Variants in MARCHF1 observed in about 807,000 individuals in gnomAD.
The protein encoded by MARCHF1 is membrane associated ring-CH-type finger 1, also known as E3 ubiquitin-protein ligase MARCHF1.
Under a neutral mutation model 54.2 loss-of-function variants are expected in MARCHF1, and 40 were observed. The observed-to-expected ratio is 0.74, with a 90% CI of 0.57 to 0.96. MARCHF1 has a LOEUF of 0.96. Among genes scored for constraint, MARCHF1 ranks in the 40% least tolerant of loss-of-function variants. The pLI, the probability that MARCHF1 is intolerant of heterozygous loss-of-function variation, is 0.00. For missense variants in MARCHF1, 586 were observed against 656.5 expected, an observed-to-expected ratio of 0.89 and a Z score of 1.17; for synonymous variants, 236 against 236.3, an observed-to-expected ratio of 1.00 and a Z score of 0.01.
chr4:163,633,366 T>A (rs1742181345), intron 5 of MARCHF1, among the ~76,000 whole-genome samples: 1 of 152,034 alleles, frequency 6.6e-6, no homozygotes, highest in Non-Finnish European at 1.5e-5. Flanking sequence ...TAGAAGAATG[T>A]ATAACTAGAA....
chr4:163,565,333 T>C (rs1364393076), intron 8 of MARCHF1, among the ~76,000 whole-genome samples: 2 of 152,160 alleles, frequency 1.3e-5, no homozygotes, highest in African/African-American at 4.8e-5. Flanking sequence ...AGGAGACATA[T>C]TTGACCTTGT....
intron 4 of MARCHF1, among the ~76,000 whole-genome samples, chr4:163,737,164 CTTTTTTT>C (rs71925488): frequency 6.9e-5 from 5 of 72,084 alleles, no homozygotes; most frequent in African/African-American, 2.2e-4. Flanking sequence ...TTTTTTCTTT[CTTTTTTT>C]TTTTTTTTTT....
At chr4:164,068,227 C>T (rs1012846647) in intron 2 of MARCHF1, among the ~76,000 whole-genome samples, 52 of 152,210 alleles carry the variant, frequency 3.4e-4, no homozygotes, top group African/African-American at 1.2e-3. Context: ...GAGGTGACAG[C>T]GTGCTGGCAG....
intron 3 of MARCHF1, among the ~76,000 whole-genome samples, chr4:163,898,309 T>C (rs1437139754): frequency 6.6e-6 from 1 of 151,890 alleles, no homozygotes; most frequent in African/African-American, 2.4e-5. Flanking sequence ...AGGACTAATA[T>C]CCAAAATCTG....
intron 1 of MARCHF1, among the ~76,000 whole-genome samples, chr4:164,220,667 C>CTATATATGCATATATGTAATATA: frequency 1.5e-5 from 2 of 134,322 alleles, no homozygotes; most frequent in South Asian, 2.3e-4. Context: ...AATATATATG[C>CTATATATGCATATATGTAATATA]TATATGTATA....
intron 2 of MARCHF1, among the ~76,000 whole-genome samples, chr4:164,106,721 C>T (rs1755710283): frequency 2.1e-5 from 3 of 142,680 alleles, no homozygotes; most frequent in African/African-American, 8.0e-5. Context: ...ACATATGTAA[C>T]TAACCTGCAC....
chr4:164,012,216 A>T (rs866781353), intron 2 of MARCHF1, among the ~76,000 whole-genome samples: 1 of 152,154 alleles, frequency 6.6e-6, no homozygotes, highest in Middle Eastern at 3.4e-3. Flanking sequence ...GGGGTGCAAC[A>T]CCAACTGTGG....
intron 4 of MARCHF1, among the ~76,000 whole-genome samples, chr4:163,743,846 C>T (rs549931865): frequency 2.6e-5 from 4 of 152,136 alleles, no homozygotes; most frequent in Non-Finnish European, 5.9e-5. Flanking sequence ...AATTAGTAAT[C>T]TTTCTTAGAT....
chr4:164,019,662 C>T (rs1753620368), intron 2 of MARCHF1, among the ~76,000 whole-genome samples: 1 of 152,158 alleles, frequency 6.6e-6, no homozygotes, highest in South Asian at 2.1e-4. Context: ...GCAAAGGTTA[C>T]AGAATGAGGC....
intron 2 of MARCHF1, among the ~76,000 whole-genome samples, chr4:164,039,765 A>G (rs187966748): frequency 3.1e-4 from 47 of 152,142 alleles, no homozygotes; most frequent in African/African-American, 1.1e-3. Context: ...ATAAATGAAT[A>G]CTTCGAGAAT....
intron 2 of MARCHF1, among the ~76,000 whole-genome samples, chr4:164,074,355 A>G (rs1450535112): frequency 1.3e-5 from 2 of 152,130 alleles, no homozygotes; most frequent in Non-Finnish European, 2.9e-5. Context: ...GCTCTCATTC[A>G]AGTGGTTGGT....
intron 1 of MARCHF1, among the ~76,000 whole-genome samples, chr4:164,176,043 T>G (rs1355209576): frequency 6.6e-6 from 1 of 152,190 alleles, no homozygotes; most frequent in Non-Finnish European, 1.5e-5. Flanking sequence ...GGGATAAAAA[T>G]GATTTTAAAT....
chr4:163,853,672 ACT>A (rs1171913857), intron 4 of MARCHF1, among the ~76,000 whole-genome samples: 1 of 152,124 alleles, frequency 6.6e-6, no homozygotes, highest in Non-Finnish European at 1.5e-5. Context: ...TCTTTAGATG[ACT>A]CTGTACTTAC....
chr4:164,057,105 GA>G (rs1382172879), intron 2 of MARCHF1, among the ~76,000 whole-genome samples: 2 of 152,110 alleles, frequency 1.3e-5, no homozygotes, highest in Non-Finnish European at 2.9e-5. Flanking sequence ...AGATACAACA[GA>G]ATAAAACAAA....
intron 4 of MARCHF1, among the ~76,000 whole-genome samples, chr4:163,783,330 C>G (rs1747524593): frequency 6.6e-6 from 1 of 152,200 alleles, no homozygotes; most frequent in Non-Finnish European, 1.5e-5. Context: ...CCTATCCTGA[C>G]TAGCTTAAAC....
intron 2 of MARCHF1, among the ~76,000 whole-genome samples, chr4:164,108,030 C>T (rs1755745184): frequency 6.6e-6 from 1 of 152,114 alleles, no homozygotes; most frequent in Non-Finnish European, 1.5e-5. Context: ...TGAAATTTGA[C>T]ATAATCTTTG....
rs528542821 is a variant in MARCHF1, at chr4:164,357,431, A to C, written c.-323+26439T>G. Reference sequence around the variant, plus strand: ...CTCTTATAAAGATCTTTGTGATTACAGTTTGCCACACCCAGAATCATCTCC... The same window carrying C: ...CTCTTATAAAGATCTTTGTGATTACCGTTTGCCACACCCAGAATCATCTCC... On this transcript the variant is annotated intron_variant, in intron 1 of 9. Transcript: ENST00000514618. Among the ~76,000 whole-genome samples the C allele has an allele frequency of 7.0e-4, 106 of 152,238 alleles. 1 individual carries two copies. The highest frequency in any genetic ancestry group is 3.4e-3 in the Middle Eastern group (1 of 294).
intron 1 of MARCHF1, among the ~76,000 whole-genome samples, chr4:164,260,173 G>GCTT (rs1309769317): frequency 5.3e-5 from 8 of 152,178 alleles, no homozygotes; most frequent in Admixed American, 4.6e-4. Flanking sequence ...CAGCCTTCAA[G>GCTT]CTTCAGTCTG....
At chr4:164,311,737 A>T (rs1734855354) in intron 1 of MARCHF1, among the ~76,000 whole-genome samples, 1 of 152,228 alleles carries the variant, frequency 6.6e-6, no homozygotes, top group African/African-American at 2.4e-5. Context: ...ACTCAAAAGT[A>T]TTATTGGTGT....
Sources: allele counts gnomAD v4.1 joint callset (sites outside exome capture counted in the v4.1 genomes callset), GRCh38; gene constraint gnomAD v4.1.1; transcripts MANE v1.5; gene names NCBI Gene and HGNC (gene_info 2026-07-23, HGNC 2026-07-21).